MYO1D: variants seen among roughly 807,000 people sequenced by gnomAD.
MYO1D encodes myosin ID, also known as unconventional myosin-Id.
A neutral mutation model predicts 122.0 loss-of-function variants in MYO1D; 83 were observed. That is an observed-to-expected ratio of 0.68 (90% CI 0.57 to 0.82). MYO1D has a LOEUF of 0.82. MYO1D is among the 40% of genes least tolerant of loss of function. The probability of loss-of-function intolerance (pLI) is 0.00; values close to 1 mark genes in which losing one functional copy is unlikely to be tolerated. For missense variants in MYO1D, 1,157 were observed against 1,269.5 expected (o/e 0.91, Z 1.35); for synonymous variants, 464 against 446.9 (o/e 1.04, Z -0.48).
intron 1 of MYO1D, among the ~76,000 whole-genome samples, chr17:32,826,050 A>T (rs1191742093): frequency 2.7e-5 from 1 of 36,396 alleles, no homozygotes; most frequent in South Asian, 6.1e-4. Context: ...CTCCATCTTA[A>T]AAAAAAAAAA....
chr17:32,570,185 T>G (rs114069425), intron 21 of MYO1D, among the ~76,000 whole-genome samples: 1,694 of 152,212 alleles, frequency 0.011, 34 homozygotes, highest in African/African-American at 0.039. Flanking sequence ...CCTCACCAAT[T>G]GCCTGTAAGA....
intron 1 of MYO1D, among the ~76,000 whole-genome samples, chr17:32,815,257 G>A (rs142141471): frequency 6.6e-6 from 1 of 152,256 alleles, no homozygotes; most frequent in African/African-American, 2.4e-5. Context: ...TATCTCATAA[G>A]AGATCCATTT....
At chr17:32,804,711 G>C (rs1178638011) in intron 1 of MYO1D, among the ~76,000 whole-genome samples, 1 of 152,090 alleles carries the variant, frequency 6.6e-6, no homozygotes, top group Non-Finnish European at 1.5e-5. Context: ...CTAGAACAGT[G>C]TTATTTCAAG....
chr17:32,552,894 T>C (rs1241524342), intron 21 of MYO1D, among the ~76,000 whole-genome samples: 2 of 152,016 alleles, frequency 1.3e-5, no homozygotes, highest in Admixed American at 6.6e-5. Flanking sequence ...ACATTTAGAA[T>C]GACAGCATGA....
At chr17:32,563,426 A>G (rs1375685433) in intron 21 of MYO1D, among the ~76,000 whole-genome samples, 1 of 151,738 alleles carries the variant, frequency 6.6e-6, no homozygotes, top group East Asian at 1.9e-4. Flanking sequence ...CATGTTGGCC[A>G]GGCTAGTCTC....
At chr17:32,623,287 C>T (rs2087877199) in intron 20 of MYO1D, among the ~76,000 whole-genome samples, 1 of 152,110 alleles carries the variant, frequency 6.6e-6, no homozygotes, top group African/African-American at 2.4e-5. Context: ...AATCAGATTC[C>T]CCCTGTAGTG....
intron 21 of MYO1D, among the ~76,000 whole-genome samples, chr17:32,524,719 T>C (rs764608247): frequency 1.3e-5 from 2 of 152,092 alleles, no homozygotes; most frequent in East Asian, 1.9e-4. Flanking sequence ...CCCACCACCA[T>C]GCCTGGCTGA....
chr17:32,746,729 T>C (rs1027022773), intron 12 of MYO1D, among the ~76,000 whole-genome samples: 6 of 152,142 alleles, frequency 3.9e-5, no homozygotes, highest in Admixed American at 3.3e-4. Context: ...CAGAAAAGGA[T>C]TGAAGAGTTT....
intron 21 of MYO1D, among the ~76,000 whole-genome samples, chr17:32,552,415 T>TCCA (rs2087024454): frequency 1.5e-5 from 2 of 134,870 alleles, no homozygotes; most frequent in African/African-American, 5.2e-5. Context: ...CATCCATCCA[T>TCCA]CCACCCATCC....
At chr17:32,795,264 C>A (rs1045304983) in intron 1 of MYO1D, among the ~76,000 whole-genome samples, 9 of 152,166 alleles carry the variant, frequency 5.9e-5, no homozygotes, top group African/African-American at 2.2e-4. Flanking sequence ...CCAAGGATGG[C>A]AAACACAGAT....
intron 20 of MYO1D, among the ~76,000 whole-genome samples, chr17:32,615,704 C>G (rs137909806): frequency 6.6e-6 from 1 of 152,178 alleles, no homozygotes; most frequent in Non-Finnish European, 1.5e-5. Context: ...TTAGAAAGAT[C>G]GAAGGCATCC....
At chr17:32,781,660 C>T (rs371701156) in intron 1 of MYO1D, among the ~76,000 whole-genome samples, 73 of 146,158 alleles carry the variant, frequency 5.0e-4, no homozygotes, top group Non-Finnish European at 8.8e-4. Context: ...TCATTTTATA[C>T]ACACAGTAGG....
intron 1 of MYO1D, among the ~76,000 whole-genome samples, chr17:32,781,109 C>T (rs1478995282): frequency 2.6e-5 from 4 of 152,100 alleles, no homozygotes. Flanking sequence ...TCTCAGAGCT[C>T]TAGGAGGAAA....
intron 14 of MYO1D, among the ~76,000 whole-genome samples, chr17:32,728,398 G>A (rs1339161910): frequency 6.6e-6 from 1 of 152,084 alleles, no homozygotes; most frequent in Non-Finnish European, 1.5e-5. Flanking sequence ...AGTAGAGACA[G>A]GGTTTCACTA....
chr17:32,773,977 C>T (rs1025852438), intron 4 of MYO1D, among the ~76,000 whole-genome samples: 1 of 152,112 alleles, frequency 6.6e-6, no homozygotes, highest in African/African-American at 2.4e-5. Flanking sequence ...CTGAATCCTC[C>T]TTTTCTACAG....
At chr17:32,563,867 C>T (rs541197636) in intron 21 of MYO1D, among the ~76,000 whole-genome samples, 2 of 152,172 alleles carry the variant, frequency 1.3e-5, no homozygotes, top group African/African-American at 4.8e-5. Context: ...TTTGACTTAG[C>T]GTATTTAGTT....
intron 2 of MYO1D, 42 bp downstream of exon 2, chr17:32,780,534 C>A: frequency 6.3e-7 from 1 of 1,576,614 alleles, no homozygotes; most frequent in South Asian, 1.1e-5. Context: ...ACAAATTAAA[C>A]ACATTGTGAC....
rs535647181 is a variant in MYO1D, at chr17:32,773,179, C to T, written c.565-337G>A. 1.6e-4 allele frequency among the ~76,000 whole-genome samples: 24 copies of T among 152,286 alleles called. No homozygotes were observed. In the South Asian group the frequency reaches 1.9e-3, roughly 12 times the overall value. On this transcript the variant is annotated intron_variant, in intron 4 of 21. Transcript: ENST00000318217. ...TCTCACCAATTTTAAATCAGGTAAGCGGCCTCTTTTTACTCTCTTCTCCAA... is the reference window on the plus strand; with the variant it reads ...TCTCACCAATTTTAAATCAGGTAAGTGGCCTCTTTTTACTCTCTTCTCCAA...
At chr17:32,710,873 TATC>T (rs1157229161) in intron 16 of MYO1D, among the ~76,000 whole-genome samples, 19 of 152,168 alleles carry the variant, frequency 1.2e-4, no homozygotes, top group African/African-American at 4.6e-4. Context: ...AACAATGAGA[TATC>T]ATTCTATCTA....
Sources: allele counts gnomAD v4.1 joint callset (sites outside exome capture counted in the v4.1 genomes callset), GRCh38; gene constraint gnomAD v4.1.1; transcripts MANE v1.5; gene names NCBI Gene and HGNC (gene_info 2026-07-23, HGNC 2026-07-21).